Variants in SORCS1 observed in about 807,000 individuals in gnomAD.
SORCS1 encodes VPS10 domain-containing receptor SorCS1.
A neutral mutation model predicts 146.1 loss-of-function variants in SORCS1; 60 were observed. The observed-to-expected ratio is 0.41, with a 90% CI of 0.33 to 0.51. The LOEUF (loss-of-function observed/expected upper bound fraction) is 0.51, where lower values mean the gene tolerates loss of function less well. Ranked by LOEUF, SORCS1 falls within the 20% of genes least tolerant of loss-of-function variation. The probability of loss-of-function intolerance (pLI) is 0.21; values close to 1 mark genes in which losing one functional copy is unlikely to be tolerated. For missense variants in SORCS1, 1,352 were observed against 1,487.6 expected, an observed-to-expected ratio of 0.91 and a Z score of 1.50; for synonymous variants, 637 against 584.0, an observed-to-expected ratio of 1.09 and a Z score of -1.31.
intron 24 of SORCS1, among the ~76,000 whole-genome samples, chr10:106,590,368 T>C (rs979272283): frequency 6.6e-6 from 1 of 152,160 alleles, no homozygotes; most frequent in Non-Finnish European, 1.5e-5. Flanking sequence ...CCCTCACTCA[T>C]CTCATATGCC....
intron 1 of SORCS1, among the ~76,000 whole-genome samples, chr10:107,050,816 C>T (rs774366157): frequency 2.0e-5 from 3 of 152,150 alleles, no homozygotes; most frequent in Admixed American, 6.5e-5. Flanking sequence ...AAGCTCTCTA[C>T]TATGTCAAAG....
At chr10:106,734,447 A>G (rs1009364521) in intron 5 of SORCS1, among the ~76,000 whole-genome samples, 1 of 152,170 alleles carries the variant, frequency 6.6e-6, no homozygotes, top group Non-Finnish European at 1.5e-5. Flanking sequence ...AAATTAGGCC[A>G]TGTTATAATT....
At chr10:107,157,658 C>CT (rs1236607103) in intron 1 of SORCS1, among the ~76,000 whole-genome samples, 3 of 152,154 alleles carry the variant, frequency 2.0e-5, no homozygotes, top group African/African-American at 7.2e-5. Context: ...CATCCACGTC[C>CT]TTTTTTTACT....
At chr10:107,031,013 A>G (rs2133929976) in intron 1 of SORCS1, among the ~76,000 whole-genome samples, 1 of 152,298 alleles carries the variant, frequency 6.6e-6, no homozygotes, top group African/African-American at 2.4e-5. Context: ...ATTAAAAACT[A>G]CTGTTCACAG....
Position 106,620,471 on chromosome 10 carries a change from A to G in SORCS1, c.2753T>C (p.Val918Ala), listed in dbSNP as rs1298841524. Reference protein sequence around the residue: ...NATAVLWPSQVGTLTYVWWYG... With the variant: ...NATAVLWPSQAGTLTYVWWYG... Reference sequence around the variant, plus strand: ...CCACCACACGTAAGTGAGGGTGCCCACTTGGCTGGGCCACAGCACTGCCGT... The same window carrying G: ...CCACCACACGTAAGTGAGGGTGCCCGCTTGGCTGGGCCACAGCACTGCCGT... Residue 918 changes from valine to alanine, a missense_variant, in exon 20 of 26, where the codon GTG (valine) becomes GCG (alanine). Val to Ala is a moderately conservative substitution (Grantham distance 64, BLOSUM62 0). Around this residue, in one of 3 missense-constraint regions of SORCS1, gnomAD observed 648 missense variants for 793.8 expected, o/e 0.82. Transcript: ENST00000263054. 6.2e-7 allele frequency: 1 copy of G among 1,613,996 alleles called. No homozygotes were observed. Among genetic ancestry groups the G allele is most frequent in the South Asian group, 1.1e-5 (1 of 91,060 alleles).
chr10:107,102,520 T>C (rs1964996913), intron 1 of SORCS1, among the ~76,000 whole-genome samples: 1 of 152,208 alleles, frequency 6.6e-6, no homozygotes, highest in African/African-American at 2.4e-5. Context: ...TTTTTGGAGT[T>C]ACATATAAAA....
chr10:106,595,148 A>G (rs537951438), intron 24 of SORCS1, among the ~76,000 whole-genome samples: 2 of 152,306 alleles, frequency 1.3e-5, no homozygotes, highest in Admixed American at 6.5e-5. Context: ...ATGCCCTGAG[A>G]TAAGTTGGCA....
chr10:106,659,505 G>A (rs1189553894), intron 17 of SORCS1, among the ~76,000 whole-genome samples: 2 of 152,134 alleles, frequency 1.3e-5, no homozygotes, highest in African/African-American at 4.8e-5. Context: ...TATCTTTTGA[G>A]GGCCTACAGT....
At chr10:106,910,314 T>TGTGTGAGA (rs753133203) in intron 2 of SORCS1, among the ~76,000 whole-genome samples, 2 of 126,714 alleles carry the variant, frequency 1.6e-5, no homozygotes, top group African/African-American at 7.2e-5. Context: ...TGTGTGTGTG[T>TGTGTGAGA]GAGACAGTAT....
At chr10:106,935,651 T>G (rs10128404) in intron 2 of SORCS1, among the ~76,000 whole-genome samples, 1 of 151,978 alleles carries the variant, frequency 6.6e-6, no homozygotes, top group Non-Finnish European at 1.5e-5. Context: ...TGAAAATCAG[T>G]CTGTCTAGTA....
intron 1 of SORCS1, among the ~76,000 whole-genome samples, chr10:107,139,264 A>C (rs1329162474): frequency 6.6e-6 from 1 of 152,212 alleles, no homozygotes; most frequent in Non-Finnish European, 1.5e-5. Flanking sequence ...TAAAAACTGG[A>C]ACCAAGCTAG....
chr10:107,115,551 G>A (rs538779263), intron 1 of SORCS1, among the ~76,000 whole-genome samples: 11 of 151,836 alleles, frequency 7.2e-5, no homozygotes, highest in South Asian at 6.2e-4. Flanking sequence ...ATATCCATAC[G>A]CAGAAAAATT....
intron 3 of SORCS1, among the ~76,000 whole-genome samples, chr10:106,798,542 G>GT (rs1946705176): frequency 1.3e-5 from 2 of 150,328 alleles, no homozygotes; most frequent in Non-Finnish European, 1.5e-5. Flanking sequence ...GCAGTGTTTG[G>GT]TTTTTTGTCC....
chr10:106,841,346 T>TTTAC (rs1949031488), intron 2 of SORCS1, among the ~76,000 whole-genome samples: 1 of 151,988 alleles, frequency 6.6e-6, no homozygotes, highest in Non-Finnish European at 1.5e-5. Flanking sequence ...GGCATGCGCC[T>TTTAC]GTAATCCCAG....
chr10:106,860,740 T>A (rs966739327), intron 2 of SORCS1, among the ~76,000 whole-genome samples: 2 of 152,178 alleles, frequency 1.3e-5, no homozygotes, highest in African/African-American at 4.8e-5. Context: ...TGAAAAAGAA[T>A]AGATTTTTCC....
chr10:107,152,518 T>C (rs1256836083), intron 1 of SORCS1, among the ~76,000 whole-genome samples: 2 of 152,140 alleles, frequency 1.3e-5, no homozygotes, highest in East Asian at 1.9e-4. Context: ...ACATGGGACC[T>C]AGCGGGAGGT....
intron 2 of SORCS1, among the ~76,000 whole-genome samples, chr10:106,938,519 TAC>T (rs1953868043): frequency 6.6e-6 from 1 of 152,194 alleles, no homozygotes; most frequent in South Asian, 2.1e-4. Context: ...ATACAGCCAT[TAC>T]AGATGCACCC....
Position 106,942,277 on chromosome 10 carries a change from C to G in SORCS1, c.626+14236G>C, listed in dbSNP as rs1468134132. On this transcript the variant is annotated intron_variant, in intron 2 of 25. Coordinates refer to ENST00000263054, the MANE Select transcript of SORCS1 (RefSeq NM_052918.5). ...ATGGATCGAAGGTCCTACTGTTTCA[C>G]TGTTTGTCCTCCTCCCACCTCCGGC... 3.3e-5 allele frequency among the ~76,000 whole-genome samples: 5 copies of G among 152,156 alleles called. No individual in the cohort carries two copies. In the South Asian group the frequency reaches 6.2e-4, roughly 19 times the overall value.
intron 5 of SORCS1, among the ~76,000 whole-genome samples, chr10:106,751,347 G>C (rs1463244452): frequency 6.6e-6 from 1 of 152,130 alleles, no homozygotes; most frequent in Non-Finnish European, 1.5e-5. Flanking sequence ...AATTAGAAGA[G>C]ACTGCCTCAG....
Sources: gnomAD v4.1 joint callset for allele counts (sites outside exome capture counted in the v4.1 genomes callset) on GRCh38, gnomAD v4.1.1 for gene constraint, gnomAD v4.1.1 regional missense constraint, MANE v1.5 for transcripts, NCBI Gene and HGNC (gene_info 2026-07-23, HGNC 2026-07-21) for gene names.